The following BTG2 variants were observed in gnomAD, a reference collection of about 807,000 sequenced individuals.
BTG2 encodes the protein BTG anti-proliferation factor 2, also known as protein BTG2.
Under a neutral mutation model 13.1 loss-of-function variants are expected in BTG2, and 9 were observed. The ratio of observed to expected loss-of-function variants is 0.69; its 90% CI spans 0.41 to 1.20. BTG2 has a LOEUF of 1.20. Among genes scored for constraint, BTG2 ranks in the 50% most tolerant of loss-of-function variants. The pLI is 0.00. For missense variants in BTG2, 200 were observed against 209.5 expected (o/e 0.95, Z 0.28); for synonymous variants, 92 against 88.6 (o/e 1.04, Z -0.21).
rs1055268117 is a variant in BTG2 at position 203,308,365 on chromosome 1, C to T, written c.*927C>T. The stretch of plus-strand genomic sequence containing the variant: ...CCTTTGAGAGGTGGCTCAAAAGCTA[C>T]AGGGAACTCCAGGTCCTTTATTACT... On this transcript the variant is annotated 3_prime_UTR_variant, in exon 2 of 2. Transcript: ENST00000290551. 2 of 152,640 alleles carry T rather than the reference C, an allele frequency of 1.3e-5. No individual in the cohort carries two copies. Among genetic ancestry groups the T allele is most frequent in the Admixed American group, 6.5e-5 (1 of 15,280 alleles). The allele number at this position is 152,640 out of a possible 1,614,324, so 9.5% of individuals were successfully genotyped here. A position where few individuals can be genotyped will look rare whatever the true frequency, so the allele number is the denominator to read the frequency against.
Position 203,307,523 on chromosome 1 carries a change from T to C in BTG2, c.*85T>C, listed in dbSNP as rs140561243. On this transcript the variant is annotated 3_prime_UTR_variant, in exon 2 of 2. Transcript: ENST00000290551. The stretch of plus-strand genomic sequence containing the variant: ...ACATACCTCAACCTGGGGAACTGTA[T>C]TTTTAAATGAAGAGCTATTTATATA... 39 of 1,122,754 alleles carry C rather than the reference T, an allele frequency of 3.5e-5. No individual in the cohort carries two copies. In the East Asian group the frequency reaches 9.6e-4, roughly 28 times the overall value. 69.5% of individuals were successfully genotyped at this position (1,122,754 alleles called of 1,614,324 possible).
chr1:203,306,848 T>TCACACA lies in BTG2; in HGVS notation c.143-234_143-229dup, dbSNP rs56272333. 3.4e-3 allele frequency among the ~76,000 whole-genome samples: 444 copies of TCACACA among 131,480 alleles called. 3 individuals are homozygous for TCACACA. The highest frequency in any genetic ancestry group is 0.014 in the African/African-American group (414 of 29,778). 86.3% of individuals were successfully genotyped at this position (131,480 alleles called of 152,430 possible). ...CTCTCTCTCACACACACACACTCAG[T>TCACACA]CACACACACACACACACACACACAC... On this transcript the variant is annotated intron_variant, in intron 1 of 1. Transcript: ENST00000290551.
intron 1 of BTG2, among the ~76,000 whole-genome samples, chr1:203,306,010 C>G (rs927644412): frequency 6.6e-6 from 1 of 152,176 alleles, no homozygotes; most frequent in Admixed American, 6.5e-5. Flanking sequence ...TCCTGGAGTG[C>G]CAGCCCGAGT....
At position 203,308,616 on chromosome 1, in the gene BTG2, TAGTCAGCCTTGCA is replaced by T. The variant is rs1658326253; in HGVS notation, c.*1179_*1191del. On this transcript the variant is annotated 3_prime_UTR_variant, in exon 2 of 2. Transcript: ENST00000290551. ...TGCTCTCCTTGGGATGATGGCTGGC[TAGTCAGCCTTGCA>T]TGTATTCCTTGGCTGAATGGGAGAG... 6.5e-6 allele frequency: 1 copy of T among 152,778 alleles called. No homozygotes were observed. The highest frequency in any genetic ancestry group is 2.4e-5 in the African/African-American group (1 of 41,582). 9.5% of individuals were successfully genotyped at this position (152,778 alleles called of 1,614,324 possible). A position where few individuals can be genotyped will look rare whatever the true frequency, so the allele number is the denominator to read the frequency against.
chr1:203,305,716 T>C lies in BTG2; in HGVS notation c.110T>C (p.Val37Ala), dbSNP rs1340001615. The change falls in exon 1 of 2, where the codon GTC (valine) becomes GCC (alanine). Residue 37 changes from valine (V) to alanine (A), a missense_variant. Transcript: ENST00000290551. ...RGCVSEQRLKVFSGALQEALT... is the reference protein window; with the variant it reads ...RGCVSEQRLKAFSGALQEALT... ...TGCGTGAGCGAGCAGAGGCTTAAGG[T>C]CTTCAGCGGGGCGCTCCAGGAGGCA... 1 of 1,551,718 alleles carries C rather than the reference T, an allele frequency of 6.4e-7. No individual in the cohort carries two copies. The highest frequency in any genetic ancestry group is 8.7e-7 in the Non-Finnish European group (1 of 1,147,344).
chr1:203,307,347 C>T lies in BTG2; in HGVS notation c.386C>T (p.Ala129Val), dbSNP rs1282330564. The T allele has an allele frequency of 3.1e-6, 5 of 1,613,832 alleles. No individual in the cohort carries two copies. The highest frequency in any genetic ancestry group is 3.4e-6 in the Non-Finnish European group (4 of 1,179,812). ...ICVLYEEAPL[A>V]ASCGLLTCKN... is the part of the protein sequence containing the mutation. ...GTCTTGTACGAGGAGGCCCCACTGG[C>T]CGCCTCCTGTGGGCTCCTCACCTGC... Residue 129 changes from alanine to valine, a missense_variant, in exon 2 of 2, where the codon GCC becomes GTC. Physicochemically the swap from Ala to Val is moderately conservative, Grantham distance 64. Coordinates refer to ENST00000290551, the MANE Select transcript of BTG2 (RefSeq NM_006763.3).
At position 203,307,488 on chromosome 1, in the gene BTG2, A is replaced by G; in HGVS notation, c.*50A>G. 2 of 1,419,840 alleles carry G rather than the reference A, an allele frequency of 1.4e-6. No individual in the cohort carries two copies. The highest frequency in any genetic ancestry group is 1.3e-5 in the South Asian group (1 of 75,104). 88.0% of individuals were successfully genotyped at this position (1,419,840 alleles called of 1,614,324 possible). A position where few individuals can be genotyped will look rare whatever the true frequency, so the allele number is the denominator to read the frequency against. On this transcript the variant is annotated 3_prime_UTR_variant, in exon 2 of 2. Transcript: ENST00000290551. ...CCGCCGTGCTCATGCTGCCGTGACAACAGGCCACCACATACCTCAACCTGG... is the reference window on the plus strand; with the variant it reads ...CCGCCGTGCTCATGCTGCCGTGACAGCAGGCCACCACATACCTCAACCTGG...
rs1412865713 is a variant in BTG2, at chr1:203,309,179, C to T, written c.*1741C>T. On this transcript the variant is annotated 3_prime_UTR_variant, in exon 2 of 2. Transcript: ENST00000290551. ...ACTCTCCACATTTTGTATTGCCTTC[C>T]CAGACCTGCTTCCAGTCTTTATTGC... 6.5e-6 allele frequency: 1 copy of T among 152,694 alleles called. No individual in the cohort carries two copies. The highest frequency in any genetic ancestry group is 1.5e-5 in the Non-Finnish European group (1 of 68,062). The allele number at this position is 152,694 out of a possible 1,614,324, so 9.5% of individuals were successfully genotyped here.
At chr1:203,305,826 C>A (rs980389075) in intron 1 of BTG2, 78 bp downstream of exon 1, 22 of 1,486,788 alleles carry the variant, frequency 1.5e-5, no homozygotes, top group Admixed American at 5.1e-5. Flanking sequence ...TCTACTCCTG[C>A]GGCAGGGTGA....
intron 1 of BTG2, among the ~76,000 whole-genome samples, chr1:203,306,480 A>G (rs1230375653): frequency 6.6e-6 from 1 of 152,226 alleles, no homozygotes; most frequent in African/African-American, 2.4e-5. Context: ...GAACGCACCC[A>G]CACAGACCCT....
Position 203,309,035 on chromosome 1 carries a change from G to C in BTG2, c.*1597G>C, listed in dbSNP as rs1014771219. ...TTCACCCCACTTCCTCTACCCCCAGGTTCTCCTCCCCACAGCCAGTCCCCT... is the reference window on the plus strand; with the variant it reads ...TTCACCCCACTTCCTCTACCCCCAGCTTCTCCTCCCCACAGCCAGTCCCCT... On this transcript the variant is annotated 3_prime_UTR_variant, in exon 2 of 2. Coordinates refer to ENST00000290551, the MANE Select transcript of BTG2 (RefSeq NM_006763.3). 1 of 152,614 alleles carries C rather than the reference G, an allele frequency of 6.6e-6. No individual in the cohort carries two copies. Among genetic ancestry groups the C allele is most frequent in the Non-Finnish European group, 1.5e-5 (1 of 68,078 alleles). 9.5% of individuals were successfully genotyped at this position (152,614 alleles called of 1,614,324 possible).
At position 203,307,336 on chromosome 1, in the gene BTG2, G is replaced by C; in HGVS notation, c.375G>C (p.Glu125Asp). The change falls in exon 2 of 2, where the codon GAG becomes GAC. Residue 125 changes from glutamate (E) to aspartate (D), a missense_variant. Transcript: ENST00000290551. The part of the protein sequence containing the change: ...EDGSICVLYE[E>D]APLAASCGLL... Reference sequence around the variant, plus strand: ...GCTCCATCTGCGTCTTGTACGAGGAGGCCCCACTGGCCGCCTCCTGTGGGC... The same window carrying C: ...GCTCCATCTGCGTCTTGTACGAGGACGCCCCACTGGCCGCCTCCTGTGGGC... 3.1e-6 allele frequency: 5 copies of C among 1,613,902 alleles called. No individual in the cohort carries two copies. Among genetic ancestry groups the C allele is most frequent in the Non-Finnish European group, 4.2e-6 (5 of 1,179,848 alleles).
At chr1:203,305,827 G>C in intron 1 of BTG2, 79 bp downstream of exon 1, 1 of 1,488,596 alleles carries the variant, frequency 6.7e-7, no homozygotes, top group Non-Finnish European at 8.9e-7. Flanking sequence ...CTACTCCTGC[G>C]GCAGGGTGAC....
chr1:203,305,818 T>A (rs557158078), intron 1 of BTG2, 70 bp downstream of exon 1: 3 of 1,495,100 alleles, frequency 2.0e-6, no homozygotes, highest in Non-Finnish European at 2.7e-6. Context: ...GTCTTTCTTC[T>A]ACTCCTGCGG....
At position 203,307,465 on chromosome 1, in the gene BTG2, G is replaced by A. The variant is rs1173193600; in HGVS notation, c.*27G>A. 49 of 1,541,094 alleles carry A rather than the reference G, an allele frequency of 3.2e-5. No homozygotes were observed. The highest frequency in any genetic ancestry group is 4.1e-5 in the Non-Finnish European group (47 of 1,141,094). On this transcript the variant is annotated 3_prime_UTR_variant, in exon 2 of 2. Transcript: ENST00000290551. ...CCCTTCCGCCCCCGCCCTGGGCGCC[G>A]CCGTGCTCATGCTGCCGTGACAACA...
chr1:203,305,529 C>T lies in BTG2; in HGVS notation c.-78C>T. ...GGGGAAAGTCCGGGCAGAGCCCGAG[C>T]AGCGGCCAGGGTAACGCTGTCTTGT... is the stretch of plus-strand genomic sequence containing the variant. On this transcript the variant is annotated 5_prime_UTR_variant, in exon 1 of 2. Coordinates refer to ENST00000290551, the MANE Select transcript of BTG2 (RefSeq NM_006763.3). 2 of 1,490,632 alleles carry T rather than the reference C, an allele frequency of 1.3e-6. No homozygotes were observed. Among genetic ancestry groups the T allele is most frequent in the South Asian group, 1.3e-5 (1 of 77,936 alleles). 92.3% of individuals were successfully genotyped at this position (1,490,632 alleles called of 1,614,324 possible). A position where few individuals can be genotyped will look rare whatever the true frequency, so the allele number is the denominator to read the frequency against.
At position 203,305,567 on chromosome 1, in the gene BTG2, C is replaced by G; in HGVS notation, c.-40C>G. 1 of 1,585,014 alleles carries G rather than the reference C, an allele frequency of 6.3e-7. No individual in the cohort carries two copies. On this transcript the variant is annotated 5_prime_UTR_variant, in exon 1 of 2. Transcript: ENST00000290551. ...AACGCTGTCTTGTGGACCCGCACTT[C>G]CCACCCGAGACCTCTCACTGAGCCC...
At chr1:203,306,058 C>T (rs1658255281) in intron 1 of BTG2, among the ~76,000 whole-genome samples, 1 of 152,296 alleles carries the variant, frequency 6.6e-6, no homozygotes, top group Admixed American at 6.5e-5. Context: ...GGGCTCGTCT[C>T]CCTCGCTGGA....
chr1:203,305,637 C>A lies in BTG2; in HGVS notation c.31C>A (p.Pro11Thr), dbSNP rs567838091. The A allele has an allele frequency of 1.9e-6, 3 of 1,591,230 alleles. No homozygotes were observed. In the African/African-American group the frequency reaches 4.0e-5, roughly 21 times the overall value. ...CCACGGGAAGGGAACCGACATGCTC[C>A]CGGAGATCGCCGCCGCCGTGGGCTT... MSHGKGTDML[P>T]EIAAAVGFLS... The change falls in exon 1 of 2, where the codon CCG becomes ACG. Residue 11 changes from proline (P) to threonine (T), a missense_variant. Pro to Thr is a conservative substitution (Grantham distance 38, BLOSUM62 -1). Coordinates refer to ENST00000290551, the MANE Select transcript of BTG2 (RefSeq NM_006763.3).
Sources: allele counts gnomAD v4.1 joint callset (sites outside exome capture counted in the v4.1 genomes callset), GRCh38; gene constraint gnomAD v4.1.1; transcripts MANE v1.5; gene names NCBI Gene and HGNC (gene_info 2026-07-23, HGNC 2026-07-21).